Variants in DOCK9 observed in about 807,000 individuals in gnomAD.
DOCK9 encodes the protein dedicator of cytokinesis protein 9.
In DOCK9, 89 loss-of-function variants were observed where a neutral mutation model predicts 263.3. The observed-to-expected ratio is 0.34, with a 90% confidence interval of 0.28 to 0.40. The LOEUF (loss-of-function observed/expected upper bound fraction) is 0.40, where lower values mean the gene tolerates loss of function less well. DOCK9 is among the 10% of genes least tolerant of loss of function. The pLI, the probability that DOCK9 is intolerant of heterozygous loss-of-function variation, is 1.00. For missense variants in DOCK9, 2,140 were observed against 2,603.4 expected (o/e 0.82, Z 3.87); for synonymous variants, 976 against 973.1 (o/e 1.00, Z -0.06).
intron 2 of DOCK9, among the ~76,000 whole-genome samples, chr13:98,942,243 TTTTTG>T (rs2056037440): frequency 1.3e-5 from 2 of 149,678 alleles, no homozygotes; most frequent in Non-Finnish European, 3.0e-5. Flanking sequence ...TTGTTTTTTT[TTTTTG>T]TTTTTTTGAG....
rs1032789071 is a variant in DOCK9, at chr13:98,978,044, C to T, written c.-135G>A. 15 of 1,444,456 alleles carry T rather than the reference C, an allele frequency of 1.0e-5. No homozygotes were observed. Among genetic ancestry groups the T allele is most frequent in the Non-Finnish European group, 1.3e-5 (14 of 1,103,512 alleles). 89.5% of individuals were successfully genotyped at this position (1,444,456 alleles called of 1,614,324 possible). On this transcript the variant is annotated 5_prime_UTR_variant, in exon 1 of 53. Transcript: ENST00000682017. ...TCCCAGGCACAAGTGGTCAGCCCCG[C>T]TGGCTGGGTCTGCAGAGCCTGTGGG... is the stretch of plus-strand genomic sequence containing the variant.
At chr13:98,795,280 T>C (rs563481211) in intron 52 of DOCK9, among the ~76,000 whole-genome samples, 2 of 152,316 alleles carry the variant, frequency 1.3e-5, no homozygotes, top group East Asian at 1.9e-4. Context: ...CCTGCCTCCT[T>C]TTCTCAGGGT....
At position 98,879,191 on chromosome 13, in the gene DOCK9, T is replaced by C. The variant is rs533650202; in HGVS notation, c.2943+707A>G. Among the ~76,000 whole-genome samples the C allele has an allele frequency of 5.8e-4, 89 of 152,272 alleles. 1 individual carries two copies. Among genetic ancestry groups the C allele is most frequent in the Non-Finnish European group, 9.6e-4 (65 of 68,020 alleles). On this transcript the variant is annotated intron_variant, in intron 27 of 52. Transcript: ENST00000682017. ...ACCTTGAGCCTCAGAGAGCCTGAGG[T>C]GGCCAAACACACCTCAGTGGGCACC... is the stretch of plus-strand genomic sequence containing the variant.
At chr13:98,847,552 T>G (rs1013306545) in intron 37 of DOCK9, 9 of 152,176 alleles carry the variant, frequency 5.9e-5, no homozygotes, top group South Asian at 2.1e-4. Flanking sequence ...CATGTTTACT[T>G]CTTAACATAA....
chr13:99,041,427 G>A (rs1888449197), intron 1 of DOCK9, among the ~76,000 whole-genome samples: 1 of 151,156 alleles, frequency 6.6e-6, no homozygotes. Context: ...AGGCTGCAGT[G>A]AGCTATGATC....
chr13:98,863,104 T>C lies in DOCK9; in HGVS notation c.3494A>G (p.Tyr1165Cys). Reference sequence around the variant, plus strand: ...AATCAGCAGACCAAACAGAGGCAGGTAGAGGGTGGCTATCCTTGCCTGATG... The same window carrying C: ...AATCAGCAGACCAAACAGAGGCAGGCAGAGGGTGGCTATCCTTGCCTGATG... ...RSHQARIATL[Y>C]LPLFGLLIEN... The change falls in exon 32 of 53, where the codon TAC (tyrosine) becomes TGC (cysteine). Residue 1165 changes from tyrosine (Y) to cysteine (C), a missense_variant. Coordinates refer to ENST00000682017, the MANE Select transcript of DOCK9 (RefSeq NM_001366683.2). 1.9e-6 allele frequency: 3 copies of C among 1,609,078 alleles called. No individual in the cohort carries two copies. The highest frequency in any genetic ancestry group is 2.5e-6 in the Non-Finnish European group (3 of 1,177,754).
chr13:98,867,768 T>C (rs2094073329), intron 29 of DOCK9, among the ~76,000 whole-genome samples, 160 bp downstream of exon 29: 1 of 152,066 alleles, frequency 6.6e-6, no homozygotes. Flanking sequence ...CTCCTCCTAC[T>C]TCAATGAAGG....
chr13:98,814,130 A>G (rs1345383116), intron 45 of DOCK9, among the ~76,000 whole-genome samples: 1 of 152,250 alleles, frequency 6.6e-6, no homozygotes, highest in African/African-American at 2.4e-5. Context: ...TTGTGACTCA[A>G]TTTAGCAGAA....
chr13:99,076,276 C>T (rs1231221609), intron 1 of DOCK9, among the ~76,000 whole-genome samples: 2 of 152,146 alleles, frequency 1.3e-5, no homozygotes, highest in East Asian at 1.9e-4. Context: ...TTTTGTTTTG[C>T]TTTCTTCCAG....
At chr13:98,921,906 C>T (rs1595343608) in intron 6 of DOCK9, 145 bp downstream of exon 6, 1 of 683,112 alleles carries the variant, frequency 1.5e-6, no homozygotes, top group East Asian at 2.8e-5. Context: ...AATGGGGGTG[C>T]TATCACCAGG....
At chr13:98,898,020 T>A (rs1192184019) in intron 14 of DOCK9, among the ~76,000 whole-genome samples, 159 bp downstream of exon 14, 1 of 152,226 alleles carries the variant, frequency 6.6e-6, no homozygotes, top group East Asian at 1.9e-4. Flanking sequence ...ATCCTCTCTG[T>A]GACTCTACCA....
chr13:98,982,186 C>T (rs566670971), upstream of DOCK9, among the ~76,000 whole-genome samples: 7 of 152,308 alleles, frequency 4.6e-5, no homozygotes, highest in South Asian at 8.3e-4. Context: ...ATTTATTATA[C>T]AGCTCGGGTA....
In DOCK9 at chr13:98,829,703, G is replaced by T. The variant is rs778334400; in HGVS notation, c.4689C>A (p.Thr1563=). The T allele has an allele frequency of 1.9e-6, 3 of 1,610,868 alleles. No individual in the cohort carries two copies. The highest frequency in any genetic ancestry group is 2.2e-5 in the East Asian group (1 of 44,826). ...TGATGGACAGGGACTGCTGGAATCT[G>T]GTTCCCCCAATGCCAACAACGTCTG... ...LIADVVGIGG[T]RFQQSLSIIN... The change falls in exon 42 of 53, where the codon ACC becomes ACA. Residue 1563 remains threonine (T), a synonymous_variant. Coordinates refer to ENST00000682017, the MANE Select transcript of DOCK9 (RefSeq NM_001366683.2). This position sits in a 1 kb window ranked among gnomAD's most constrained non-coding sequence, Gnocchi z 4.1.
chr13:98,886,936 T>C (rs982793207), intron 18 of DOCK9, among the ~76,000 whole-genome samples: 1 of 152,016 alleles, frequency 6.6e-6, no homozygotes, highest in African/African-American at 2.4e-5. Flanking sequence ...CGCTTCTGCA[T>C]GCATCAAGAA....
rs367612724 is a variant in DOCK9, at chr13:98,901,835, A to G, written c.1446T>C (p.Leu482=). 35 of 1,612,774 alleles carry G rather than the reference A, an allele frequency of 2.2e-5. No individual in the cohort carries two copies. Among genetic ancestry groups the G allele is most frequent in the Non-Finnish European group, 2.8e-5 (33 of 1,179,374 alleles). ...CAGCGCAATGTGTGATGCTCCCCTG[A>G]AGGACTTTTTCAATTCTGGCCACAA... ...IFLVARIEKV[L]QGSITHCAEP... The change falls in exon 13 of 53, where the codon CTT becomes CTC. Residue 482 remains leucine (L), a synonymous_variant. Transcript: ENST00000682017.
intron 27 of DOCK9, among the ~76,000 whole-genome samples, chr13:98,869,241 C>A (rs962519626): frequency 1.3e-5 from 2 of 152,222 alleles, no homozygotes; most frequent in African/African-American, 4.8e-5. Flanking sequence ...GATTACTTAG[C>A]AATTAGCTAA....
intron 1 of DOCK9, among the ~76,000 whole-genome samples, chr13:99,007,439 G>A (rs1320334636): frequency 6.6e-6 from 1 of 151,582 alleles, no homozygotes; most frequent in Non-Finnish European, 1.5e-5. Context: ...AAAATAAAAA[G>A]CAAAAAGGTC....
intron 15 of DOCK9, among the ~76,000 whole-genome samples, chr13:98,895,839 T>C (rs1473067661): frequency 1.3e-5 from 2 of 152,208 alleles, no homozygotes. Context: ...ACTATTCTTT[T>C]ATTTAGTCTT....
At chr13:98,895,780 T>G (rs1487387191) in intron 15 of DOCK9, among the ~76,000 whole-genome samples, 4 of 152,208 alleles carry the variant, frequency 2.6e-5, no homozygotes, top group Non-Finnish European at 5.9e-5. Flanking sequence ...GAACATGTAT[T>G]ATGTTTGTAA....
Sources: allele counts gnomAD v4.1 joint callset (sites outside exome capture counted in the v4.1 genomes callset), GRCh38; gene constraint gnomAD v4.1.1; non-coding constraint Gnocchi (gnomAD v3.1); transcripts MANE v1.5; gene names NCBI Gene and HGNC (gene_info 2026-07-23, HGNC 2026-07-21).